ACYP2: variants seen among roughly 807,000 people sequenced by gnomAD.
ACYP2 encodes the protein acylphosphatase 2, also known as acylphosphatase-2.
A neutral mutation model predicts 11.2 loss-of-function variants in ACYP2; 12 were observed. The ratio of observed to expected loss-of-function variants is 1.08; its 90% CI spans 0.69 to 1.74. ACYP2 has a LOEUF of 1.74. Ranked by LOEUF, ACYP2 falls within the 40% of genes most tolerant of loss-of-function variation. The probability of loss-of-function intolerance (pLI) is 0.00; values close to 1 mark genes in which losing one functional copy is unlikely to be tolerated. For synonymous variants in ACYP2, 43 were observed against 32.2 expected, an observed-to-expected ratio of 1.33 and a Z score of -1.13; for missense variants, 134 against 101.9, an observed-to-expected ratio of 1.31 and a Z score of -1.35.
At chr2:54,199,238 A>T (rs1446333430) in intron 6 of ACYP2, among the ~76,000 whole-genome samples, 2 of 152,142 alleles carry the variant, frequency 1.3e-5, no homozygotes, top group African/African-American at 4.8e-5. Context: ...GCTCCCATGC[A>T]TTGTGGTAAG....
intron 4 of ACYP2, among the ~76,000 whole-genome samples, chr2:54,090,030 C>G (rs1031170661): frequency 6.6e-6 from 1 of 151,044 alleles, no homozygotes; most frequent in African/African-American, 2.4e-5. Flanking sequence ...CCTGTAATCC[C>G]AGTACTCAGG....
At chr2:54,277,788 A>G (rs10184099) in intron 6 of ACYP2, among the ~76,000 whole-genome samples, 40,382 of 152,034 alleles carry the variant, frequency 0.27, 6,363 homozygotes, top group African/African-American at 0.43. Context: ...TCAGTTCTAT[A>G]TTATTTCTTA....
Position 54,004,954 on chromosome 2 carries a change from G to T in ACYP2, c.62+31144G>T, listed in dbSNP as rs542537763. 3.4e-5 allele frequency among the ~76,000 whole-genome samples: 5 copies of T among 146,514 alleles called. No individual in the cohort carries two copies. The South Asian group carries it at 1.1e-3, about 32-fold the overall frequency. On this transcript the variant is annotated intron_variant, in intron 2 of 6. Transcript: ENST00000607452. ...AGAAAAGAGCTCTTTGTATATTTTT[G>T]ATAACAGTCTAACAGTCTTCTATCA...
At chr2:54,281,562 C>G (rs929857133) in intron 6 of ACYP2, among the ~76,000 whole-genome samples, 2 of 152,174 alleles carry the variant, frequency 1.3e-5, no homozygotes. Context: ...TATCATGTGG[C>G]AGAAATCACC....
rs1476738551 is a variant in ACYP2, at chr2:54,073,746, A to T, written c.277+16386A>T. ...CTGAACAAAGATTTCTTCAAAGAAG[A>T]TTTACAAATGGCCAATAAGCACATG... On this transcript the variant is annotated intron_variant, in intron 4 of 6. Transcript: ENST00000607452. Among the ~76,000 whole-genome samples, 5 of 152,258 alleles carry T rather than the reference A, an allele frequency of 3.3e-5. No homozygotes were observed. In the South Asian group the frequency reaches 1.0e-3, roughly 31 times the overall value.
At chr2:54,185,922 T>C (rs552239545) in intron 6 of ACYP2, among the ~76,000 whole-genome samples, 37 of 151,958 alleles carry the variant, frequency 2.4e-4, no homozygotes, top group African/African-American at 8.2e-4. Flanking sequence ...AAGCAAAAGG[T>C]AAATTGTTAA....
chr2:54,206,223 C>T (rs1280926202), intron 6 of ACYP2, among the ~76,000 whole-genome samples: 1 of 152,130 alleles, frequency 6.6e-6, no homozygotes, highest in Non-Finnish European at 1.5e-5. Context: ...AAGTTTGGGG[C>T]CTTGGGCTCA....
At chr2:54,202,405 CTTTTTT>C (rs61634500) in intron 6 of ACYP2, among the ~76,000 whole-genome samples, 3 of 116,364 alleles carry the variant, frequency 2.6e-5, no homozygotes, top group Admixed American at 8.7e-5. Context: ...CTGTGCCTGG[CTTTTTT>C]TTTTTTTTTT....
At chr2:54,239,062 C>T (rs983838476) in intron 6 of ACYP2, among the ~76,000 whole-genome samples, 20 of 152,072 alleles carry the variant, frequency 1.3e-4, no homozygotes, top group Non-Finnish European at 2.6e-4. Context: ...CATAAATCCA[C>T]TTATAATACC....
chr2:54,112,333 A>G (rs1478488659), intron 4 of ACYP2, among the ~76,000 whole-genome samples: 1 of 152,224 alleles, frequency 6.6e-6, no homozygotes, highest in Non-Finnish European at 1.5e-5. Flanking sequence ...TAATTTAATC[A>G]TGCATTGTAC....
At chr2:54,023,276 T>A (rs1374893367) in intron 2 of ACYP2, among the ~76,000 whole-genome samples, 2 of 152,162 alleles carry the variant, frequency 1.3e-5, no homozygotes, top group East Asian at 3.8e-4. Context: ...AGAAGTGGAA[T>A]TGCTAGCTCT....
intron 6 of ACYP2, among the ~76,000 whole-genome samples, chr2:54,262,414 TTCTAATA>T (rs1687819584): frequency 6.6e-6 from 1 of 152,266 alleles, no homozygotes; most frequent in Non-Finnish European, 1.5e-5. Context: ...TATAAAATGT[TTCTAATA>T]TCTAAGTGTT....
chr2:54,218,412 A>G (rs149902239), intron 6 of ACYP2, among the ~76,000 whole-genome samples: 95 of 152,308 alleles, frequency 6.2e-4, no homozygotes, highest in African/African-American at 2.2e-3. Context: ...TTAATCATTT[A>G]TGTCTTGTAT....
At chr2:54,146,067 G>A (rs771793135) in intron 6 of ACYP2, among the ~76,000 whole-genome samples, 4 of 152,208 alleles carry the variant, frequency 2.6e-5, no homozygotes, top group African/African-American at 4.8e-5. Context: ...TGCATGAGAG[G>A]CAAAAAGTTT....
Position 54,063,258 on chromosome 2 carries a change from T to C in ACYP2, c.277+5898T>C, listed in dbSNP as rs965609799. 7.9e-5 allele frequency among the ~76,000 whole-genome samples: 12 copies of C among 152,164 alleles called. 1 individual carries two copies. The highest frequency in any genetic ancestry group is 1.6e-4 in the Non-Finnish European group (11 of 68,026). On this transcript the variant is annotated intron_variant, in intron 4 of 6. Coordinates refer to ENST00000607452, the MANE Select transcript of ACYP2 (RefSeq NM_001320586.2). Reference sequence around the variant, plus strand: ...GCCTCCACCTCCCAAAGTGTTGAGATTACAGGTGTGAGCCACTGCACCTGG... The same window carrying C: ...GCCTCCACCTCCCAAAGTGTTGAGACTACAGGTGTGAGCCACTGCACCTGG...
intron 4 of ACYP2, among the ~76,000 whole-genome samples, chr2:54,126,513 T>G (rs1680515856): frequency 1.4e-5 from 2 of 148,052 alleles, no homozygotes; most frequent in South Asian, 4.2e-4. Flanking sequence ...ATCTCTTCAT[T>G]CATTAAGGAA....
chr2:54,145,466 A>G (rs72800772), intron 6 of ACYP2, among the ~76,000 whole-genome samples: 14,310 of 152,216 alleles, frequency 0.094, 825 homozygotes, highest in Non-Finnish European at 0.13. Flanking sequence ...TGGTGTTGCT[A>G]TACTTTTCTC....
intron 4 of ACYP2, among the ~76,000 whole-genome samples, chr2:54,091,345 G>C (rs1413950312): frequency 6.6e-6 from 1 of 152,046 alleles, no homozygotes; most frequent in Non-Finnish European, 1.5e-5. Context: ...ATGGAAAAAA[G>C]ATGAGAAAAA....
At chr2:54,039,512 G>A (rs956522217) in intron 2 of ACYP2, among the ~76,000 whole-genome samples, 7 of 151,710 alleles carry the variant, frequency 4.6e-5, no homozygotes, top group South Asian at 2.1e-4. Context: ...AGCTGATCTC[G>A]AACTCCTGAG....
Sources: gnomAD v4.1 joint callset for allele counts (sites outside exome capture counted in the v4.1 genomes callset) on GRCh38, gnomAD v4.1.1 for gene constraint, MANE v1.5 for transcripts, NCBI Gene and HGNC (gene_info 2026-07-23, HGNC 2026-07-21) for gene names.